The following RCAN2 variants were observed in gnomAD, a reference collection of about 807,000 sequenced individuals.
RCAN2 encodes the protein regulator of calcineurin 2, also known as calcipressin-2.
In RCAN2, 9 loss-of-function variants were observed where a neutral mutation model predicts 23.6. That is an observed-to-expected ratio of 0.38 (90% CI 0.23 to 0.67). The LOEUF is 0.67. Ranked by LOEUF, RCAN2 falls within the 30% of genes least tolerant of loss-of-function variation. RCAN2 has a pLI of 0.51. For synonymous variants in RCAN2, 109 were observed against 115.7 expected (o/e 0.94, Z 0.37); for missense variants, 273 against 302.3 (o/e 0.90, Z 0.72).
chr6:46,375,286 T>A (rs989604579), intron 2 of RCAN2, among the ~76,000 whole-genome samples: 3 of 152,194 alleles, frequency 2.0e-5, no homozygotes, highest in African/African-American at 7.2e-5. Flanking sequence ...TCCATAAAGA[T>A]TCCCAAATGG....
chr6:46,471,107 G>A (rs1039263936), intron 1 of RCAN2, among the ~76,000 whole-genome samples: 2 of 152,208 alleles, frequency 1.3e-5, no homozygotes, highest in Admixed American at 6.5e-5. Context: ...AAGGAAGAGA[G>A]AGTGTACAAG....
chr6:46,352,446 AC>A (rs1328210599), intron 2 of RCAN2, among the ~76,000 whole-genome samples: 1 of 152,062 alleles, frequency 6.6e-6, no homozygotes, highest in Non-Finnish European at 1.5e-5. Context: ...GGGGCCTGAG[AC>A]CAGAGCAGGA....
At chr6:46,267,118 G>T (rs1333144115) in intron 2 of RCAN2, among the ~76,000 whole-genome samples, 1 of 152,150 alleles carries the variant, frequency 6.6e-6, no homozygotes, top group Non-Finnish European at 1.5e-5. Context: ...GTTAAAAGAG[G>T]TTGAGTGATT....
At chr6:46,382,255 C>T (rs558295259) in intron 2 of RCAN2, among the ~76,000 whole-genome samples, 16 of 152,242 alleles carry the variant, frequency 1.1e-4, no homozygotes, top group South Asian at 2.1e-4. Context: ...ATAAGGTTAT[C>T]GGGAATATTA....
intron 2 of RCAN2, among the ~76,000 whole-genome samples, chr6:46,410,620 G>A (rs1766522786): frequency 6.6e-6 from 1 of 152,120 alleles, no homozygotes; most frequent in Non-Finnish European, 1.5e-5. Flanking sequence ...TCTTTTGCCT[G>A]TTACTATTCT....
Position 46,248,854 on chromosome 6 carries a change from T to A in RCAN2, c.268A>T (p.Thr90Ser). ...CTGAAACTCTTAAATAGCTGGAACG[T>A]CACACAGTCATCATAAGTCCGAAAC... ...GLFRTYDDCV[T>S]FQLFKSFRRV... is the part of the protein sequence containing the mutation. Residue 90 changes from threonine (T) to serine (S), a missense_variant, in exon 3 of 5, where the codon ACG (threonine) becomes TCG (serine). Physicochemically the swap from Thr to Ser is moderately conservative, Grantham distance 58. Coordinates refer to ENST00000371374, the MANE Select transcript of RCAN2 (RefSeq NM_001251974.2). The A allele has an allele frequency of 6.2e-7, 1 of 1,612,372 alleles. No individual in the cohort carries two copies.
rs551557731 is a variant in RCAN2, at chr6:46,440,034, G to C, written c.225+16718C>G. Among the ~76,000 whole-genome samples the C allele has an allele frequency of 3.3e-5, 5 of 152,278 alleles. No individual in the cohort carries two copies. The East Asian group carries it at 9.7e-4, about 29-fold the overall frequency. ...TATCAACAAAAAGTAATCTATTTGAGGGAAAGAATAAAACTCTCAAGCATC... is the reference window on the plus strand; with the variant it reads ...TATCAACAAAAAGTAATCTATTTGACGGAAAGAATAAAACTCTCAAGCATC... On this transcript the variant is annotated intron_variant, in intron 2 of 4. Coordinates refer to ENST00000371374, the MANE Select transcript of RCAN2 (RefSeq NM_001251974.2).
chr6:46,431,213 A>C (rs1436404080), intron 2 of RCAN2, among the ~76,000 whole-genome samples: 1 of 151,450 alleles, frequency 6.6e-6, no homozygotes, highest in Non-Finnish European at 1.5e-5. Flanking sequence ...AAAAAAAAAA[A>C]CTATTTTTTG....
chr6:46,238,961 T>C (rs1177885762), intron 4 of RCAN2, among the ~76,000 whole-genome samples: 1 of 152,244 alleles, frequency 6.6e-6, no homozygotes, highest in African/African-American at 2.4e-5. Context: ...CAGTTTTATA[T>C]GGATTATCTC....
chr6:46,478,613 T>C (rs1174145541), intron 1 of RCAN2, among the ~76,000 whole-genome samples: 2 of 152,136 alleles, frequency 1.3e-5, no homozygotes, highest in Non-Finnish European at 2.9e-5. Context: ...CAGACCTCAC[T>C]GCCCTCCGAT....
intron 4 of RCAN2, among the ~76,000 whole-genome samples, chr6:46,231,884 A>G (rs1765904414): frequency 6.6e-6 from 1 of 152,224 alleles, no homozygotes; most frequent in Non-Finnish European, 1.5e-5. Flanking sequence ...TTTCACAGAA[A>G]TAGAGTGTTA....
chr6:46,228,824 G>A (rs1765772264), intron 4 of RCAN2, among the ~76,000 whole-genome samples: 1 of 152,120 alleles, frequency 6.6e-6, no homozygotes, highest in Non-Finnish European at 1.5e-5. Flanking sequence ...GATGTTAGCT[G>A]GTTATTTTGT....
chr6:46,275,369 T>C (rs958669594), intron 2 of RCAN2, among the ~76,000 whole-genome samples: 7 of 152,206 alleles, frequency 4.6e-5, no homozygotes, highest in African/African-American at 1.7e-4. Flanking sequence ...CCTGAGCCAA[T>C]TGCCTTTGAA....
intron 2 of RCAN2, among the ~76,000 whole-genome samples, chr6:46,409,021 C>T (rs997988469): frequency 1.6e-4 from 24 of 152,050 alleles, no homozygotes; most frequent in African/African-American, 5.8e-4. Context: ...AGATCATTTG[C>T]CACTATCTAA....
intron 2 of RCAN2, among the ~76,000 whole-genome samples, chr6:46,422,768 A>G (rs1766919475): frequency 6.6e-6 from 1 of 152,234 alleles, no homozygotes; most frequent in Admixed American, 6.5e-5. Flanking sequence ...CAGAAAACCA[A>G]GTTCAGGCTG....
intron 2 of RCAN2, among the ~76,000 whole-genome samples, chr6:46,416,794 T>C (rs1766728812): frequency 6.6e-6 from 1 of 152,178 alleles, no homozygotes; most frequent in Non-Finnish European, 1.5e-5. Context: ...AGGGCTGGGA[T>C]TACAGGCATG....
At chr6:46,267,354 T>C (rs1021477290) in intron 2 of RCAN2, among the ~76,000 whole-genome samples, 1 of 152,154 alleles carries the variant, frequency 6.6e-6, no homozygotes, top group African/African-American at 2.4e-5. Flanking sequence ...TGAAAAGCAT[T>C]ACATGTAACT....
chr6:46,356,592 C>G (rs779452186), intron 2 of RCAN2, among the ~76,000 whole-genome samples: 1 of 152,134 alleles, frequency 6.6e-6, no homozygotes, highest in Non-Finnish European at 1.5e-5. Flanking sequence ...AGGGCAGAGG[C>G]TTGGATGGAT....
intron 2 of RCAN2, among the ~76,000 whole-genome samples, chr6:46,335,784 C>A (rs1345051936): frequency 6.6e-6 from 1 of 152,154 alleles, no homozygotes; most frequent in African/African-American, 2.4e-5. Context: ...TGGTGTGATA[C>A]CTACCTCTGT....
Sources: allele counts gnomAD v4.1 joint callset (sites outside exome capture counted in the v4.1 genomes callset), GRCh38; gene constraint gnomAD v4.1.1; transcripts MANE v1.5; gene names NCBI Gene and HGNC (gene_info 2026-07-23, HGNC 2026-07-21).